GRM3: variants seen among roughly 807,000 people sequenced by gnomAD.
GRM3 encodes metabotropic glutamate receptor 3.
A neutral mutation model predicts 70.5 loss-of-function variants in GRM3; 26 were observed. That is an observed-to-expected ratio of 0.37 (90% confidence interval 0.27 to 0.51). The LOEUF is 0.51. Ranked by LOEUF, GRM3 falls within the 20% of genes least tolerant of loss-of-function variation. The pLI is 0.93. For synonymous variants in GRM3, 443 were observed against 434.9 expected (o/e 1.02, Z -0.23); for missense variants, 859 against 1,123.8 (o/e 0.76, Z 3.37).
At chr7:86,772,690 C>G (rs549215607) in intron 2 of GRM3, among the ~76,000 whole-genome samples, 2 of 152,136 alleles carry the variant, frequency 1.3e-5, no homozygotes, top group East Asian at 1.9e-4. Context: ...GTGCTTGTAG[C>G]TAATGCAAAG....
chr7:86,715,682 C>T (rs562963740), intron 1 of GRM3, among the ~76,000 whole-genome samples: 91 of 152,042 alleles, frequency 6.0e-4, no homozygotes, highest in African/African-American at 2.1e-3. Flanking sequence ...AAGATACAAA[C>T]ACATGGGTAA....
intron 3 of GRM3, among the ~76,000 whole-genome samples, chr7:86,818,185 T>C (rs747188136): frequency 6.6e-6 from 1 of 152,088 alleles, no homozygotes; most frequent in Admixed American, 6.6e-5. Context: ...TGTTCATTCA[T>C]AATGCAATTA....
rs193295626 is a variant in GRM3 at position 86,790,531 on chromosome 7, C to T, written c.1324+3415C>T. ...TTTTAAAATCTAAGTCAAAGTCCTT[C>T]CTCTACTCAGAACCACTTGAGTTCC... On this transcript the variant is annotated intron_variant, in intron 3 of 5. Transcript: ENST00000361669. Among the ~76,000 whole-genome samples the T allele has an allele frequency of 1.6e-4, 25 of 152,262 alleles. 1 individual carries two copies. Among genetic ancestry groups the T allele is most frequent in the African/African-American group, 5.3e-4 (22 of 41,552 alleles).
At chr7:86,651,535 G>C (rs2282958) in intron 1 of GRM3, among the ~76,000 whole-genome samples, 14,763 of 152,124 alleles carry the variant, frequency 0.097, 797 homozygotes, top group South Asian at 0.17. Context: ...AAGGAGAAAA[G>C]GATATCTAGA....
intron 1 of GRM3, among the ~76,000 whole-genome samples, chr7:86,761,502 G>T (rs1028197661): frequency 2.6e-5 from 4 of 152,126 alleles, no homozygotes; most frequent in Non-Finnish European, 5.9e-5. Context: ...GGTAGGTAAT[G>T]AAGCAAAAAT....
chr7:86,839,358 G>A lies in GRM3; in HGVS notation c.1844G>A (p.Cys615Tyr), dbSNP rs1562879214. Residue 615 changes from cysteine to tyrosine, a missense_variant, in exon 4 of 6, where the codon TGC becomes TAC. Physicochemically the swap from Cys to Tyr is radical, Grantham distance 194. Coordinates refer to ENST00000361669, the MANE Select transcript of GRM3 (RefSeq NM_000840.3). The surrounding 1 kb of genome is among the most constrained non-coding windows in gnomAD (Gnocchi z 4.5). ...GTCAAAGCATCGGGCCGAGAACTCT[G>A]CTACATCTTATTGTTTGGGGTTGGC... The part of the protein sequence containing the change: ...PLVKASGREL[C>Y]YILLFGVGLS... 3 of 1,614,056 alleles carry A rather than the reference G, an allele frequency of 1.9e-6. No individual in the cohort carries two copies. Among genetic ancestry groups the A allele is most frequent in the Non-Finnish European group, 2.5e-6 (3 of 1,180,014 alleles).
chr7:86,849,725 T>A (rs1466387133), intron 4 of GRM3, among the ~76,000 whole-genome samples: 3 of 152,108 alleles, frequency 2.0e-5, no homozygotes, highest in South Asian at 2.1e-4. Flanking sequence ...AAATTACCTG[T>A]CAAGAATGGG....
At chr7:86,793,016 C>CTTT (rs140134217) in intron 3 of GRM3, among the ~76,000 whole-genome samples, 29 of 94,342 alleles carry the variant, frequency 3.1e-4, no homozygotes, top group Admixed American at 4.5e-4. Context: ...GGTTGGTTGC[C>CTTT]TTTTTTTTTT....
chr7:86,694,639 A>C (rs1794774025), intron 1 of GRM3, among the ~76,000 whole-genome samples: 1 of 152,162 alleles, frequency 6.6e-6, no homozygotes, highest in Non-Finnish European at 1.5e-5. Context: ...AAGACAAAGC[A>C]TTTAATAAAT....
At chr7:86,666,535 T>C (rs577645021) in intron 1 of GRM3, among the ~76,000 whole-genome samples, 1 of 152,232 alleles carries the variant, frequency 6.6e-6, no homozygotes. Flanking sequence ...CTCTGGAAGT[T>C]ACATGAAACA....
chr7:86,854,738 A>C (rs1798815348), intron 5 of GRM3, among the ~76,000 whole-genome samples: 1 of 152,168 alleles, frequency 6.6e-6, no homozygotes. Flanking sequence ...TCCAAAGAAA[A>C]TATTTTGAGA....
At chr7:86,748,801 C>G (rs776005721) in intron 1 of GRM3, among the ~76,000 whole-genome samples, 52 of 152,028 alleles carry the variant, frequency 3.4e-4, no homozygotes, top group Non-Finnish European at 6.0e-4. Context: ...GAAATTAACT[C>G]AAAGTCCTCA....
intron 1 of GRM3, among the ~76,000 whole-genome samples, chr7:86,690,869 A>G (rs1794680538): frequency 6.6e-6 from 1 of 152,190 alleles, no homozygotes; most frequent in African/African-American, 2.4e-5. Context: ...AGAAGACATC[A>G]TGTATAAAGA....
At chr7:86,721,585 G>C (rs917070) in intron 1 of GRM3, among the ~76,000 whole-genome samples, 13,376 of 152,070 alleles carry the variant, frequency 0.088, 672 homozygotes, top group Middle Eastern at 0.13. Flanking sequence ...AAATATGTAA[G>C]TACTTGGGTT....
intron 1 of GRM3, among the ~76,000 whole-genome samples, chr7:86,699,521 A>C (rs948857665): frequency 6.6e-6 from 1 of 152,084 alleles, no homozygotes; most frequent in Non-Finnish European, 1.5e-5. Flanking sequence ...AGAAGCAAGC[A>C]ATATTTTTAA....
intron 1 of GRM3, among the ~76,000 whole-genome samples, chr7:86,650,198 C>T (rs1793570956): frequency 6.6e-6 from 1 of 151,960 alleles, no homozygotes; most frequent in South Asian, 2.1e-4. Flanking sequence ...TACTGGGATC[C>T]TCATTTTATA....
chr7:86,769,753 T>G (rs1211977432), intron 2 of GRM3, among the ~76,000 whole-genome samples: 1 of 152,172 alleles, frequency 6.6e-6, no homozygotes, highest in Non-Finnish European at 1.5e-5. Flanking sequence ...ATGCTCTTAT[T>G]AAGTACAACA....
Position 86,844,783 on chromosome 7 carries a change from T to C in GRM3, c.2391+4878T>C, listed in dbSNP as rs942232919. The stretch of plus-strand genomic sequence containing the variant: ...TTAGCCTGCCACAGTTTCAGAATCC[T>C]TGTGTCAGAAGACATGAGACTCCTG... On this transcript the variant is annotated intron_variant, in intron 4 of 5. Transcript: ENST00000361669. Among the ~76,000 whole-genome samples the C allele has an allele frequency of 9.8e-5, 15 of 152,322 alleles. No homozygotes were observed. In the South Asian group the frequency reaches 2.9e-3, roughly 29 times the overall value.
At chr7:86,848,515 C>A (rs1194114156) in intron 4 of GRM3, among the ~76,000 whole-genome samples, 1 of 152,048 alleles carries the variant, frequency 6.6e-6, no homozygotes, top group Non-Finnish European at 1.5e-5. Context: ...TACCCTCTGG[C>A]CTTTTCCCCT....
Sources: gnomAD v4.1 joint callset for allele counts (sites outside exome capture counted in the v4.1 genomes callset) on GRCh38, gnomAD v4.1.1 for gene constraint, Gnocchi (gnomAD v3.1) non-coding constraint, MANE v1.5 for transcripts, NCBI Gene and HGNC (gene_info 2026-07-23, HGNC 2026-07-21) for gene names.